LRMDA: variants seen among roughly 807,000 people sequenced by gnomAD.
LRMDA encodes leucine rich melanocyte differentiation associated, also known as leucine-rich melanocyte differentiation-associated protein.
Under a neutral mutation model 29.8 loss-of-function variants are expected in LRMDA, and 18 were observed. The ratio of observed to expected loss-of-function variants is 0.60; its 90% CI spans 0.42 to 0.90. LRMDA has a LOEUF of 0.90. LRMDA is among the 40% of genes least tolerant of loss of function. LRMDA has a pLI of 0.00. For synonymous variants in LRMDA, 125 were observed against 109.4 expected, an observed-to-expected ratio of 1.14 and a Z score of -0.89; for missense variants, 273 against 273.9, an observed-to-expected ratio of 1.00 and a Z score of 0.02.
intron 2 of LRMDA, among the ~76,000 whole-genome samples, chr10:76,033,230 G>A (rs999792814): frequency 6.6e-6 from 1 of 152,042 alleles, no homozygotes; most frequent in Non-Finnish European, 1.5e-5. Context: ...GGATCTAGAT[G>A]ATTAAATCCC....
chr10:76,259,514 C>G (rs1213704764), intron 5 of LRMDA, among the ~76,000 whole-genome samples: 1 of 152,048 alleles, frequency 6.6e-6, no homozygotes, highest in Non-Finnish European at 1.5e-5. Flanking sequence ...AATGTTGCAT[C>G]TGCTGATAAT....
intron 2 of LRMDA, among the ~76,000 whole-genome samples, chr10:75,813,362 TG>T (rs1358091947): frequency 6.6e-6 from 1 of 152,220 alleles, no homozygotes; most frequent in Non-Finnish European, 1.5e-5. Flanking sequence ...GTATCTTCCC[TG>T]GAGGGTCTAC....
intron 2 of LRMDA, among the ~76,000 whole-genome samples, chr10:75,619,832 G>C (rs936295381): frequency 4.6e-5 from 7 of 152,170 alleles, no homozygotes; most frequent in African/African-American, 1.4e-4. Context: ...ATAGCCGTGT[G>C]ACCCTTGTGT....
chr10:76,550,539 C>T (rs1222495817), intron 6 of LRMDA, among the ~76,000 whole-genome samples: 1 of 132,906 alleles, frequency 7.5e-6, no homozygotes, highest in Non-Finnish European at 1.6e-5. Context: ...GGGGTTATAG[C>T]ATGCACTGTT....
At chr10:76,393,360 T>TAA (rs1224604131) in intron 6 of LRMDA, among the ~76,000 whole-genome samples, 1 of 152,198 alleles carries the variant, frequency 6.6e-6, no homozygotes, top group African/African-American at 2.4e-5. Context: ...ATAGCCATTT[T>TAA]AACAGATGTG....
At chr10:75,579,546 A>C (rs1236830594) in intron 2 of LRMDA, among the ~76,000 whole-genome samples, 1 of 152,234 alleles carries the variant, frequency 6.6e-6, no homozygotes, top group East Asian at 1.9e-4. Flanking sequence ...ATAGAAAAAG[A>C]GGGAATCCTC....
intron 2 of LRMDA, among the ~76,000 whole-genome samples, chr10:75,584,917 G>A (rs1326181536): frequency 6.6e-6 from 1 of 152,140 alleles, no homozygotes; most frequent in African/African-American, 2.4e-5. Context: ...AGCAGTTCAG[G>A]TACCTGATGC....
At chr10:76,345,354 G>A (rs907283481) in intron 6 of LRMDA, among the ~76,000 whole-genome samples, 1 of 150,560 alleles carries the variant, frequency 6.6e-6, no homozygotes, top group African/African-American at 2.4e-5. Context: ...TTACAGGCGT[G>A]AGCCACCGCG....
chr10:75,821,257 A>G (rs1844152565), intron 2 of LRMDA, among the ~76,000 whole-genome samples: 1 of 152,222 alleles, frequency 6.6e-6, no homozygotes, highest in Non-Finnish European at 1.5e-5. Context: ...CAGATGCAAA[A>G]ATCCTCAACA....
At chr10:75,634,603 T>A (rs926513925) in intron 2 of LRMDA, among the ~76,000 whole-genome samples, 1 of 152,198 alleles carries the variant, frequency 6.6e-6, no homozygotes, top group Non-Finnish European at 1.5e-5. Flanking sequence ...GAGCTTGCAA[T>A]CCCTGCCTCA....
rs934380261 is a variant in LRMDA at position 75,712,825 on chromosome 10, C to G, written c.131+274331C>G. 4.6e-5 allele frequency among the ~76,000 whole-genome samples: 7 copies of G among 151,262 alleles called. 1 individual carries two copies. The highest frequency in any genetic ancestry group is 4.0e-4 in the Admixed American group (6 of 15,182). On this transcript the variant is annotated intron_variant, in intron 2 of 6. Coordinates refer to ENST00000611255, the MANE Select transcript of LRMDA (RefSeq NM_001305581.2). The stretch of plus-strand genomic sequence containing the variant: ...CCACCCCCAGCCCCCCAACTACATT[C>G]ACTGACACTCATTTAATTCAAACTG...
chr10:75,786,164 G>C (rs1295119965), intron 2 of LRMDA, among the ~76,000 whole-genome samples: 1 of 152,222 alleles, frequency 6.6e-6, no homozygotes, highest in Admixed American at 6.5e-5. Context: ...GTTATGAGCA[G>C]ATGAGGCCTA....
At chr10:76,343,549 C>T (rs1382883420) in intron 6 of LRMDA, among the ~76,000 whole-genome samples, 1 of 151,948 alleles carries the variant, frequency 6.6e-6, no homozygotes, top group Non-Finnish European at 1.5e-5. Flanking sequence ...AAGGCTTTGG[C>T]CAAAAATTTT....
intron 2 of LRMDA, among the ~76,000 whole-genome samples, chr10:75,615,053 C>G (rs1841082159): frequency 6.6e-6 from 1 of 152,202 alleles, no homozygotes; most frequent in African/African-American, 2.4e-5. Context: ...TTGGGTGACT[C>G]TTGGTGTTTA....
At chr10:75,947,625 G>A (rs1846499632) in intron 2 of LRMDA, among the ~76,000 whole-genome samples, 1 of 152,162 alleles carries the variant, frequency 6.6e-6, no homozygotes, top group African/African-American at 2.4e-5. Flanking sequence ...AAGTTCTCTG[G>A]TTTTTAGTTT....
chr10:75,483,690 A>C (rs1447858801), intron 2 of LRMDA, among the ~76,000 whole-genome samples: 2 of 152,202 alleles, frequency 1.3e-5, no homozygotes, highest in African/African-American at 4.8e-5. Context: ...TGGATTTTTA[A>C]ATTACTAATT....
At chr10:75,561,674 A>G (rs1299041321) in intron 2 of LRMDA, among the ~76,000 whole-genome samples, 4 of 151,432 alleles carry the variant, frequency 2.6e-5, no homozygotes, top group South Asian at 2.1e-4. Flanking sequence ...ATTTAGTGCT[A>G]TAAATTTCCC....
intron 5 of LRMDA, among the ~76,000 whole-genome samples, chr10:76,112,163 G>T (rs1849589172): frequency 6.6e-6 from 1 of 152,220 alleles, no homozygotes; most frequent in Non-Finnish European, 1.5e-5. Context: ...TGGAGGAGCT[G>T]GCGGGAGGGC....
chr10:76,398,879 T>C (rs1841818223), intron 6 of LRMDA, among the ~76,000 whole-genome samples: 1 of 152,242 alleles, frequency 6.6e-6, no homozygotes, highest in South Asian at 2.1e-4. Flanking sequence ...ATTTCTTCAC[T>C]TGGAAAATTT....
Sources: gnomAD v4.1 joint callset for allele counts (sites outside exome capture counted in the v4.1 genomes callset) on GRCh38, gnomAD v4.1.1 for gene constraint, MANE v1.5 for transcripts, NCBI Gene and HGNC (gene_info 2026-07-23, HGNC 2026-07-21) for gene names.